RBFOX1: variants seen among roughly 807,000 people sequenced by gnomAD.
RBFOX1 encodes the protein RNA binding fox-1 homolog 1.
In RBFOX1, 8 loss-of-function variants were observed where a neutral mutation model predicts 57.7. The ratio of observed to expected loss-of-function variants is 0.14; its 90% confidence interval spans 0.08 to 0.25. The LOEUF is 0.25. RBFOX1 is among the 10% of genes least tolerant of loss of function. The probability of loss-of-function intolerance (pLI) is 1.00; values close to 1 mark genes in which losing one functional copy is unlikely to be tolerated. For missense variants in RBFOX1, 611 were observed against 548.5 expected, an observed-to-expected ratio of 1.11 and a Z score of -1.14; for synonymous variants, 326 against 222.4, an observed-to-expected ratio of 1.47 and a Z score of -4.15.
At chr16:5,410,942 A>T (rs964187994) in intron 1 of RBFOX1, among the ~76,000 whole-genome samples, 1 of 152,218 alleles carries the variant, frequency 6.6e-6, no homozygotes, top group Admixed American at 6.5e-5. Flanking sequence ...CTAACTGGGG[A>T]TCATGAAAGC....
At chr16:5,552,389 C>G (rs2045499496) in intron 2 of RBFOX1, among the ~76,000 whole-genome samples, 1 of 152,156 alleles carries the variant, frequency 6.6e-6, no homozygotes, top group Admixed American at 6.5e-5. Context: ...AGGCATTGGG[C>G]TAGTGACTTC....
At position 7,169,507 on chromosome 16, in the gene RBFOX1, A is replaced by T. The variant is rs186055000; in HGVS notation, c.27+117409A>T. On this transcript the variant is annotated intron_variant, in intron 4 of 15. Transcript: ENST00000550418. The stretch of plus-strand genomic sequence containing the variant: ...GTCACACTGAGAAATGTCTATAGAC[A>T]TGGCCTAATGTCCCCAGGAGGGTAA... 1.9e-3 allele frequency among the ~76,000 whole-genome samples: 289 copies of T among 152,342 alleles called. 1 individual carries two copies. Among genetic ancestry groups the T allele is most frequent in the Non-Finnish European group, 1.6e-3 (110 of 68,034 alleles).
At chr16:6,553,140 G>T (rs1187228002) in intron 2 of RBFOX1, among the ~76,000 whole-genome samples, 1 of 152,162 alleles carries the variant, frequency 6.6e-6, no homozygotes, top group Non-Finnish European at 1.5e-5. Context: ...GGTCATGGAA[G>T]TCAGTTCTGT....
intron 4 of RBFOX1, among the ~76,000 whole-genome samples, chr16:7,089,115 C>G (rs1369404152): frequency 3.9e-5 from 6 of 152,240 alleles, no homozygotes; most frequent in South Asian, 2.1e-4. Flanking sequence ...TCCTTTGTAG[C>G]GACTTTAGCT....
At chr16:7,271,663 G>T (rs9924759) in intron 4 of RBFOX1, among the ~76,000 whole-genome samples, 3 of 151,870 alleles carry the variant, frequency 2.0e-5, no homozygotes, top group Non-Finnish European at 2.9e-5. Flanking sequence ...ACCATTGATG[G>T]CTCAAATGCC....
At chr16:5,780,271 G>A (rs775473217) in intron 3 of RBFOX1, among the ~76,000 whole-genome samples, 4 of 152,222 alleles carry the variant, frequency 2.6e-5, no homozygotes, top group South Asian at 2.1e-4. Flanking sequence ...CAAAGTGTTC[G>A]GATTACAGGC....
At chr16:5,352,850 A>G (rs1189966747) in intron 1 of RBFOX1, among the ~76,000 whole-genome samples, 1 of 152,034 alleles carries the variant, frequency 6.6e-6, no homozygotes, top group Non-Finnish European at 1.5e-5. Flanking sequence ...GGCTGAGGCA[A>G]GAGGATTATC....
At chr16:7,396,697 T>G (rs577963762) in intron 4 of RBFOX1, among the ~76,000 whole-genome samples, 49 of 152,310 alleles carry the variant, frequency 3.2e-4, no homozygotes, top group African/African-American at 1.2e-3. Context: ...CCCAGCACTT[T>G]GGGAGGCTGA....
At chr16:6,870,284 T>C (rs1393068598) in intron 3 of RBFOX1, among the ~76,000 whole-genome samples, 1 of 152,066 alleles carries the variant, frequency 6.6e-6, no homozygotes, top group African/African-American at 2.4e-5. Context: ...CTTGAAAAAA[T>C]CCGTGCCTTT....
chr16:5,262,284 G>A (rs12709129), intron 1 of RBFOX1, among the ~76,000 whole-genome samples: 152,248 of 152,302 alleles, frequency 1, 76,097 homozygotes, highest in Non-Finnish European at 1. Context: ...TTGGCTACAC[G>A]TTATTCTGGA....
chr16:5,822,157 AT>A (rs2055879598), intron 3 of RBFOX1, among the ~76,000 whole-genome samples: 1 of 152,250 alleles, frequency 6.6e-6, no homozygotes, highest in African/African-American at 2.4e-5. Flanking sequence ...ATTAGAGACT[AT>A]TATTCTAAGT....
chr16:5,819,329 G>A (rs990493194), intron 3 of RBFOX1, among the ~76,000 whole-genome samples: 3 of 152,132 alleles, frequency 2.0e-5, no homozygotes, highest in African/African-American at 7.2e-5. Flanking sequence ...CCTGTGACCT[G>A]ACCACCTCCC....
At chr16:6,320,515 T>G (rs1260950022) in intron 2 of RBFOX1, among the ~76,000 whole-genome samples, 1 of 152,136 alleles carries the variant, frequency 6.6e-6, no homozygotes, top group Non-Finnish European at 1.5e-5. Flanking sequence ...TAATTTTTTT[T>G]TAAATTGCGA....
At chr16:6,597,317 C>A (rs1275663879) in intron 2 of RBFOX1, among the ~76,000 whole-genome samples, 1 of 152,120 alleles carries the variant, frequency 6.6e-6, no homozygotes, top group African/African-American at 2.4e-5. Context: ...GTCCCCTTTT[C>A]CTTTCCCTGT....
At chr16:5,519,426 T>A (rs1000685613) in intron 2 of RBFOX1, among the ~76,000 whole-genome samples, 10 of 152,176 alleles carry the variant, frequency 6.6e-5, no homozygotes, top group Non-Finnish European at 1.2e-4. Context: ...CATACTTAAT[T>A]TGTTAAAATA....
chr16:6,349,641 T>C (rs1224907025), intron 2 of RBFOX1, among the ~76,000 whole-genome samples: 4 of 152,196 alleles, frequency 2.6e-5, no homozygotes, highest in African/African-American at 4.8e-5. Context: ...TACAGTCCTA[T>C]TGAGAACACA....
chr16:7,542,294 G>A (rs2083161192), intron 5 of RBFOX1, among the ~76,000 whole-genome samples: 2 of 152,146 alleles, frequency 1.3e-5, no homozygotes, highest in Admixed American at 1.3e-4. Context: ...ACAGGGACCT[G>A]TGACAAAGAC....
chr16:7,369,993 T>C (rs1439852618), intron 4 of RBFOX1, among the ~76,000 whole-genome samples: 1 of 152,164 alleles, frequency 6.6e-6, no homozygotes, highest in Non-Finnish European at 1.5e-5. Flanking sequence ...GGCTTTCTGA[T>C]CCCAGAATTC....
chr16:6,617,672 C>G (rs1208796090), intron 2 of RBFOX1, among the ~76,000 whole-genome samples: 1 of 152,084 alleles, frequency 6.6e-6, no homozygotes, highest in African/African-American at 2.4e-5. Context: ...TTTTGACTCT[C>G]AGGGAGCCTG....
Sources: allele counts gnomAD v4.1 joint callset (sites outside exome capture counted in the v4.1 genomes callset), GRCh38; gene constraint gnomAD v4.1.1; transcripts MANE v1.5; gene names NCBI Gene and HGNC (gene_info 2026-07-23, HGNC 2026-07-21).